MLLT3: variants seen among roughly 807,000 people sequenced by gnomAD.
MLLT3 encodes the protein MLLT3 super elongation complex subunit.
MLLT3 carries 4 observed loss-of-function variants against 53.2 expected under a neutral mutation model. The ratio of observed to expected loss-of-function variants is 0.08; its 90% CI spans 0.04 to 0.17. The LOEUF is 0.17. MLLT3 is among the 10% of genes least tolerant of loss of function. The probability of loss-of-function intolerance (pLI) is 1.00; values close to 1 mark genes in which losing one functional copy is unlikely to be tolerated. For missense variants in MLLT3, 569 were observed against 684.0 expected, an observed-to-expected ratio of 0.83 and a Z score of 1.87; for synonymous variants, 283 against 230.6, an observed-to-expected ratio of 1.23 and a Z score of -2.06.
intron 2 of MLLT3, among the ~76,000 whole-genome samples, chr9:20,476,680 A>G (rs1241530873): frequency 6.6e-6 from 1 of 152,130 alleles, no homozygotes; most frequent in Non-Finnish European, 1.5e-5. Flanking sequence ...CCAACCTTCT[A>G]AGGATTTAAA....
In MLLT3 at chr9:20,486,561, A is replaced by G. The variant is rs112106480; in HGVS notation, c.194-29775T>C. ...CCTCCAGAAAAAAGCAGCTAGTAATACATGAAATGATATTCCACCTCACGA... is the reference window on the plus strand; with the variant it reads ...CCTCCAGAAAAAAGCAGCTAGTAATGCATGAAATGATATTCCACCTCACGA... On this transcript the variant is annotated intron_variant, in intron 2 of 10. Transcript: ENST00000380338. Among the ~76,000 whole-genome samples, 356 of 152,332 alleles carry G rather than the reference A, an allele frequency of 2.3e-3. 1 individual carries two copies. The highest frequency in any genetic ancestry group is 8.0e-3 in the African/African-American group (334 of 41,586).
intron 2 of MLLT3, among the ~76,000 whole-genome samples, chr9:20,617,362 G>C (rs1820857030): frequency 6.6e-6 from 1 of 152,108 alleles, no homozygotes; most frequent in Non-Finnish European, 1.5e-5. Flanking sequence ...GATTTATTAA[G>C]CTTTATCTGC....
Position 20,414,223 on chromosome 9 carries a change from G to A in MLLT3, c.623C>T (p.Ser208Phe), listed in dbSNP as rs1178671483. The change falls in exon 5 of 11, where the codon TCT (serine) becomes TTT (phenylalanine). Residue 208 changes from serine (S) to phenylalanine (F), a missense_variant. Physicochemically the swap from Ser to Phe is radical, Grantham distance 155 (BLOSUM62 -2). Around this residue, in one of 5 missense-constraint regions of MLLT3, gnomAD observed 437 missense variants for 376.5 expected, o/e 1.16. Coordinates refer to ENST00000380338, the MANE Select transcript of MLLT3 (RefSeq NM_004529.4). ...ACTTTTATGTTCTCTGGAGTCTTTA[G>A]AAGGTTTTTCCTTGTGCTCCTTCAT... ...KLMKEHKEKP[S>F]KDSREHKSAF... 1.2e-6 allele frequency: 2 copies of A among 1,614,112 alleles called. No homozygotes were observed. The highest frequency in any genetic ancestry group is 1.7e-6 in the Non-Finnish European group (2 of 1,180,010).
At chr9:20,585,289 A>C (rs1008284944) in intron 2 of MLLT3, among the ~76,000 whole-genome samples, 5 of 152,164 alleles carry the variant, frequency 3.3e-5, no homozygotes, top group African/African-American at 1.2e-4. Flanking sequence ...AAAACTGTAC[A>C]TATTTATGGT....
chr9:20,362,454 T>C (rs1177679207), intron 7 of MLLT3, among the ~76,000 whole-genome samples: 4 of 152,202 alleles, frequency 2.6e-5, no homozygotes, highest in Non-Finnish European at 4.4e-5. Flanking sequence ...CAGTTTCCTT[T>C]TTATCAGACA....
At position 20,414,339 on chromosome 9, in the gene MLLT3, GCTGCTA is replaced by G. The variant is rs756964923; in HGVS notation, c.501_506del (p.Ser189_Ser190del). Reference sequence around the variant, plus strand: ...TGCTGCTGCTGCTGCTGCTGCTGCTGCTGCTACTGCTGCTGCTGCTGCTGCTGCTGC... The same window carrying G: ...TGCTGCTGCTGCTGCTGCTGCTGCTGCTGCTGCTGCTGCTGCTGCTGCTGC... On this transcript the variant is annotated inframe_deletion, in exon 5 of 11. Coordinates refer to ENST00000380338, the MANE Select transcript of MLLT3 (RefSeq NM_004529.4). The G allele has an allele frequency of 1.8e-5, 29 of 1,603,952 alleles. No individual in the cohort carries two copies. Among genetic ancestry groups the G allele is most frequent in the East Asian group, 1.8e-4 (8 of 44,664 alleles).
chr9:20,372,820 T>C (rs1359210087), intron 5 of MLLT3, among the ~76,000 whole-genome samples: 1 of 152,130 alleles, frequency 6.6e-6, no homozygotes, highest in African/African-American at 2.4e-5. Flanking sequence ...AGACTATGAC[T>C]AGCTGAAGGC....
chr9:20,374,828 C>G (rs1450366135), intron 5 of MLLT3, among the ~76,000 whole-genome samples: 2 of 152,200 alleles, frequency 1.3e-5, no homozygotes, highest in Non-Finnish European at 2.9e-5. Context: ...TATGCCCCCT[C>G]TACCCTAAAA....
intron 2 of MLLT3, among the ~76,000 whole-genome samples, chr9:20,545,463 G>A (rs916869088): frequency 5.9e-5 from 9 of 152,158 alleles, no homozygotes; most frequent in Non-Finnish European, 1.2e-4. Flanking sequence ...CAGGGTGGGT[G>A]GAAGGAGTTC....
Position 20,621,727 on chromosome 9 carries a change from A to G in MLLT3, c.12+518T>C, listed in dbSNP as rs1356472947. 2 of 1,480,110 alleles carry G rather than the reference A, an allele frequency of 1.4e-6. No individual in the cohort carries two copies. Among genetic ancestry groups the G allele is most frequent in the Non-Finnish European group, 1.8e-6 (2 of 1,119,128 alleles). 91.7% of individuals were successfully genotyped at this position (1,480,110 alleles called of 1,614,324 possible). On this transcript the variant is annotated intron_variant, in intron 1 of 10. Transcript: ENST00000380338. This position sits in a 1 kb window ranked among gnomAD's most constrained non-coding sequence, Gnocchi z 7.0. ...AGTTGCGTGCGGCCCCGCCGCTGTC[A>G]GCCCCGCACACTTCGGCTCACACAC...
intron 2 of MLLT3, among the ~76,000 whole-genome samples, chr9:20,584,428 A>G (rs1315804250): frequency 6.6e-6 from 1 of 152,096 alleles, no homozygotes; most frequent in Non-Finnish European, 1.5e-5. Context: ...GCCCCACTCT[A>G]CTGGTACCAA....
Position 20,346,014 on chromosome 9 carries a change from A to C in MLLT3, c.*429T>G, listed in dbSNP as rs1240461531. 1 of 235,548 alleles carries C rather than the reference A, an allele frequency of 4.2e-6. No homozygotes were observed. Among genetic ancestry groups the C allele is most frequent in the Non-Finnish European group, 8.4e-6 (1 of 119,192 alleles). 14.6% of individuals were successfully genotyped at this position (235,548 alleles called of 1,614,324 possible). On this transcript the variant is annotated 3_prime_UTR_variant, in exon 11 of 11. Coordinates refer to ENST00000380338, the MANE Select transcript of MLLT3 (RefSeq NM_004529.4). ...GATGGTGTCATTCCCTCAACGACTTAGAATATCTGTATGCGATAATAAATA... is the reference window on the plus strand; with the variant it reads ...GATGGTGTCATTCCCTCAACGACTTCGAATATCTGTATGCGATAATAAATA...
intron 2 of MLLT3, among the ~76,000 whole-genome samples, chr9:20,558,508 T>A (rs774302356): frequency 1.3e-5 from 2 of 152,180 alleles, no homozygotes; most frequent in Non-Finnish European, 2.9e-5. Flanking sequence ...ACCTCACTTG[T>A]GCCTAAATGC....
intron 2 of MLLT3, among the ~76,000 whole-genome samples, chr9:20,536,303 A>G (rs1446432834): frequency 6.6e-6 from 1 of 152,212 alleles, no homozygotes; most frequent in Non-Finnish European, 1.5e-5. Context: ...TCATACTTCT[A>G]GCTCATGCTT....
At position 20,341,986 on chromosome 9, in the gene MLLT3, C is replaced by G. The variant is rs1017278264; in HGVS notation, c.*4457G>C. On this transcript the variant is annotated 3_prime_UTR_variant, in exon 11 of 11. Transcript: ENST00000380338. Reference sequence around the variant, plus strand: ...AGAAGATGGTGTTAGACATGAGGGACTCCTAAAATGAATGAGGCATGGACT... The same window carrying G: ...AGAAGATGGTGTTAGACATGAGGGAGTCCTAAAATGAATGAGGCATGGACT... 9.8e-6 allele frequency: 2 copies of G among 204,462 alleles called. No homozygotes were observed. The highest frequency in any genetic ancestry group is 2.3e-5 in the African/African-American group (1 of 43,668). 12.7% of individuals were successfully genotyped at this position (204,462 alleles called of 1,614,324 possible).
intron 2 of MLLT3, among the ~76,000 whole-genome samples, chr9:20,535,242 C>A (rs1818449561): frequency 6.6e-6 from 1 of 152,140 alleles, no homozygotes; most frequent in African/African-American, 2.4e-5. Context: ...GTTGTGCACT[C>A]CTTATAAGAA....
chr9:20,360,955 T>C, intron 7 of MLLT3, 114 bp from the exon 8 acceptor site: 2 of 877,248 alleles, frequency 2.3e-6, no homozygotes, highest in Non-Finnish European at 3.7e-6. Flanking sequence ...GACAAGTTCA[T>C]TTTAACTCAC....
chr9:20,583,473 C>A (rs905979674), intron 2 of MLLT3, among the ~76,000 whole-genome samples: 2 of 152,196 alleles, frequency 1.3e-5, no homozygotes, highest in African/African-American at 4.8e-5. Flanking sequence ...TCCGACCCCA[C>A]ATTTCTCTTC....
At chr9:20,538,607 G>T (rs1818544843) in intron 2 of MLLT3, among the ~76,000 whole-genome samples, 1 of 152,010 alleles carries the variant, frequency 6.6e-6, no homozygotes, top group African/African-American at 2.4e-5. Context: ...AAAGAGAAAA[G>T]AAGGAAATTC....
Sources: gnomAD v4.1 joint callset for allele counts (sites outside exome capture counted in the v4.1 genomes callset) on GRCh38, gnomAD v4.1.1 for gene constraint, gnomAD v4.1.1 regional missense constraint, Gnocchi (gnomAD v3.1) non-coding constraint, MANE v1.5 for transcripts, NCBI Gene and HGNC (gene_info 2026-07-23, HGNC 2026-07-21) for gene names.